The following HMBOX1 variants were observed in gnomAD, a reference collection of about 807,000 sequenced individuals.
HMBOX1 encodes the protein homeobox-containing protein 1.
A neutral mutation model predicts 54.5 loss-of-function variants in HMBOX1; 14 were observed. The ratio of observed to expected loss-of-function variants is 0.26; its 90% confidence interval spans 0.17 to 0.40. The LOEUF (loss-of-function observed/expected upper bound fraction) is 0.40, where lower values mean the gene tolerates loss of function less well. HMBOX1 is among the 10% of genes least tolerant of loss of function. The pLI is 1.00. For missense variants in HMBOX1, 332 were observed against 514.4 expected, an observed-to-expected ratio of 0.65 and a Z score of 3.43; for synonymous variants, 160 against 181.0, an observed-to-expected ratio of 0.88 and a Z score of 0.93.
chr8:28,983,990 G>T (rs1279250700), intron 4 of HMBOX1, among the ~76,000 whole-genome samples: 2 of 152,180 alleles, frequency 1.3e-5, no homozygotes, highest in African/African-American at 4.8e-5. Flanking sequence ...AAACTCAGGG[G>T]CAAGGCTTCT....
chr8:28,992,125 G>A (rs567615279), intron 4 of HMBOX1, among the ~76,000 whole-genome samples: 2 of 152,282 alleles, frequency 1.3e-5, no homozygotes, highest in East Asian at 1.9e-4. Flanking sequence ...TCAAGGGCAC[G>A]ACTTTGAGGA....
rs536370487 is a variant in HMBOX1 at position 29,023,740 on chromosome 8, GT to G, written c.851+4829del. Among the ~76,000 whole-genome samples, 11 of 152,214 alleles carry G rather than the reference GT, an allele frequency of 7.2e-5. No individual in the cohort carries two copies. The East Asian group carries it at 2.1e-3, about 29-fold the overall frequency. On this transcript the variant is annotated intron_variant, in intron 6 of 9. Transcript: ENST00000287701. ...CATAAGATTGATCAGTGAATTCAGT[GT>G]TACCTTCTTGATTCACTTATTAAAA... is the stretch of plus-strand genomic sequence containing the variant.
chr8:28,923,795 T>A (rs1400905772), intron 1 of HMBOX1, among the ~76,000 whole-genome samples: 2 of 152,168 alleles, frequency 1.3e-5, no homozygotes, highest in East Asian at 1.9e-4. Flanking sequence ...TTGTTTTTTT[T>A]AATTTTAGCC....
intron 4 of HMBOX1, among the ~76,000 whole-genome samples, chr8:28,985,282 C>T (rs1001492385): frequency 6.6e-6 from 1 of 152,156 alleles, no homozygotes; most frequent in African/African-American, 2.4e-5. Context: ...ATTGTGTTCT[C>T]ACGTAGTGGC....
At chr8:28,938,343 G>A (rs1423402957) in intron 1 of HMBOX1, among the ~76,000 whole-genome samples, 2 of 152,212 alleles carry the variant, frequency 1.3e-5, no homozygotes, top group African/African-American at 2.4e-5. Context: ...GGTATTATGG[G>A]AAGGATATTT....
rs184448064 is a variant in HMBOX1, at chr8:28,939,593, C to T, written c.-57-24218C>T. ...TGCCATCTCGGCTCACTGCAATCTC[C>T]GCCCCCCCTGGGTTCAAGTAATTCT... On this transcript the variant is annotated intron_variant, in intron 1 of 9. Coordinates refer to ENST00000287701, the MANE Select transcript of HMBOX1 (RefSeq NM_001135726.3). Among the ~76,000 whole-genome samples the T allele has an allele frequency of 5.5e-4, 83 of 151,966 alleles. 1 individual carries two copies. Among genetic ancestry groups the T allele is most frequent in the East Asian group, 4.5e-3 (23 of 5,128 alleles).
chr8:28,940,247 TC>T (rs1369428362), intron 1 of HMBOX1, among the ~76,000 whole-genome samples: 2 of 152,196 alleles, frequency 1.3e-5, no homozygotes, highest in Non-Finnish European at 2.9e-5. Flanking sequence ...CCTCAGGTGA[TC>T]CGCCTGCCTC....
intron 8 of HMBOX1, 98 bp downstream of exon 8, chr8:29,047,551 G>T: frequency 1.7e-6 from 1 of 600,268 alleles, no homozygotes; most frequent in Non-Finnish European, 2.9e-6. Context: ...AAGTCTAAAG[G>T]ATCCTAACTT....
chr8:28,925,595 C>G (rs1284227802), intron 1 of HMBOX1, among the ~76,000 whole-genome samples: 6 of 152,062 alleles, frequency 3.9e-5, no homozygotes. Context: ...CACCTTGACC[C>G]TGTCAGAAAT....
rs1265392443 is a variant in HMBOX1 at position 29,040,848 on chromosome 8, TTTAA to T, written c.852-4508_852-4505del. 5.3e-5 allele frequency among the ~76,000 whole-genome samples: 8 copies of T among 152,146 alleles called. No individual in the cohort carries two copies. The South Asian group carries it at 6.2e-4, about 12-fold the overall frequency. ...CTAAAAATACAGATTAATTTTAATC[TTTAA>T]TTAAATTTAATTAATTTTAAACCTT... On this transcript the variant is annotated intron_variant, in intron 6 of 9. Coordinates refer to ENST00000287701, the MANE Select transcript of HMBOX1 (RefSeq NM_001135726.3).
intron 9 of HMBOX1, among the ~76,000 whole-genome samples, chr8:29,049,928 T>TAG (rs1806188875): frequency 6.6e-6 from 1 of 152,222 alleles, no homozygotes; most frequent in Non-Finnish European, 1.5e-5. Context: ...ACCACACACC[T>TAG]AGAATGCATG....
chr8:28,985,839 TA>T (rs1182688886), intron 4 of HMBOX1, among the ~76,000 whole-genome samples: 1 of 152,114 alleles, frequency 6.6e-6, no homozygotes, highest in Non-Finnish European at 1.5e-5. Flanking sequence ...AGAGTCGTTT[TA>T]GGTTCACAAC....
intron 1 of HMBOX1, chr8:28,949,594 A>G (rs1823044378): frequency 6.6e-6 from 1 of 152,166 alleles, no homozygotes; most frequent in Admixed American, 6.5e-5. Flanking sequence ...TGGAACCCTT[A>G]AGATGATCTT....
chr8:28,920,690 G>GAA (rs1245223065), intron 1 of HMBOX1, among the ~76,000 whole-genome samples: 1 of 152,142 alleles, frequency 6.6e-6, no homozygotes, highest in African/African-American at 2.4e-5. Flanking sequence ...TATGATTGTT[G>GAA]CCATAATAGA....
intron 1 of HMBOX1, among the ~76,000 whole-genome samples, chr8:28,914,210 A>G (rs1320708930): frequency 6.6e-6 from 1 of 152,160 alleles, no homozygotes; most frequent in Non-Finnish European, 1.5e-5. Flanking sequence ...ATTAAATAAA[A>G]TCAGCCTAAC....
At chr8:29,027,027 T>C (rs1802159805) in intron 6 of HMBOX1, among the ~76,000 whole-genome samples, 1 of 152,176 alleles carries the variant, frequency 6.6e-6, no homozygotes, top group African/African-American at 2.4e-5. Flanking sequence ...ATTTTGTTGT[T>C]TTTAAAGAGG....
intron 1 of HMBOX1, among the ~76,000 whole-genome samples, chr8:28,910,331 A>T (rs943770017): frequency 2.0e-5 from 3 of 152,170 alleles, no homozygotes; most frequent in Non-Finnish European, 4.4e-5. Context: ...GTTGTTTGGG[A>T]TGTTTCCAGA....
At chr8:28,895,559 C>T (rs1171852752) in intron 1 of HMBOX1, among the ~76,000 whole-genome samples, 1 of 152,014 alleles carries the variant, frequency 6.6e-6, no homozygotes, top group Non-Finnish European at 1.5e-5. Context: ...CCTGTAATCC[C>T]AGCTACTCGG....
At chr8:29,015,332 A>C (rs1281453747) in intron 5 of HMBOX1, among the ~76,000 whole-genome samples, 2 of 152,096 alleles carry the variant, frequency 1.3e-5, no homozygotes, top group African/African-American at 2.4e-5. Context: ...CCTATTGCCC[A>C]CCCTCCATCC....
Sources: allele counts gnomAD v4.1 joint callset (sites outside exome capture counted in the v4.1 genomes callset), GRCh38; gene constraint gnomAD v4.1.1; transcripts MANE v1.5; gene names NCBI Gene and HGNC (gene_info 2026-07-23, HGNC 2026-07-21).